TTC3: variants seen among roughly 807,000 people sequenced by gnomAD.
The protein encoded by TTC3 is tetratricopeptide repeat domain 3, also known as E3 ubiquitin-protein ligase TTC3.
TTC3 carries 180 observed loss-of-function variants against 249.6 expected under a neutral mutation model. The ratio of observed to expected loss-of-function variants is 0.72; its 90% CI spans 0.64 to 0.82. TTC3 has a LOEUF of 0.82. Ranked by LOEUF, TTC3 falls within the 40% of genes least tolerant of loss-of-function variation. The pLI, the probability that TTC3 is intolerant of heterozygous loss-of-function variation, is 0.00. For missense variants in TTC3, 2,061 were observed against 2,398.4 expected (o/e 0.86, Z 2.94); for synonymous variants, 717 against 805.0 (o/e 0.89, Z 1.85).
At chr21:37,075,920 C>T (rs2070791198) in intron 1 of TTC3, among the ~76,000 whole-genome samples, 1 of 151,966 alleles carries the variant, frequency 6.6e-6, no homozygotes, top group Non-Finnish European at 1.5e-5. Context: ...TTCTTTTCCT[C>T]TCCATTTTAT....
At position 37,128,022 on chromosome 21, in the gene TTC3, T is replaced by G. The variant is rs146022026; in HGVS notation, c.1298-981T>G. Among the ~76,000 whole-genome samples, 224 of 152,342 alleles carry G rather than the reference T, an allele frequency of 1.5e-3. 2 individuals are homozygous for G. Among genetic ancestry groups the G allele is most frequent in the African/African-American group, 4.9e-3 (205 of 41,576 alleles). ...TAAATTCTGTCCACCCTTCAGCATT[T>G]ACATACAGGGGAAGAAATTGAGGTT... is the stretch of plus-strand genomic sequence containing the variant. On this transcript the variant is annotated intron_variant, in intron 15 of 45. Transcript: ENST00000355666.
intron 35 of TTC3, among the ~76,000 whole-genome samples, chr21:37,177,538 C>T (rs1311485124): frequency 1.3e-5 from 2 of 152,148 alleles, no homozygotes; most frequent in African/African-American, 2.4e-5. Context: ...CTTCATCTTC[C>T]GCCTTCTCCC....
chr21:37,201,387 A>C (rs1049889923), intron 45 of TTC3, 53 bp from the exon 46 acceptor site: 10 of 1,611,100 alleles, frequency 6.2e-6, no homozygotes, highest in Non-Finnish European at 7.6e-6. Flanking sequence ...CAGGGGAGCT[A>C]AGCTTCCTCA....
rs761942573 is a variant in TTC3 at position 37,128,992 on chromosome 21, T to C, written c.1298-11T>C. 1 of 1,562,984 alleles carries C rather than the reference T, an allele frequency of 6.4e-7. No individual in the cohort carries two copies. The highest frequency in any genetic ancestry group is 8.6e-7 in the Non-Finnish European group (1 of 1,157,760). On this transcript the variant is annotated splice_polypyrimidine_tract_variant and intron_variant, in intron 15 of 45. Coordinates refer to ENST00000355666, the Ensembl canonical transcript of TTC3. The stretch of plus-strand genomic sequence containing the variant: ...TACAGATTTTAGGAACAAATACTTT[T>C]GTGTTCACAGGTCAGCCTCCAAAAC...
At chr21:37,147,418 C>T (rs1216700992) in intron 21 of TTC3, 63 bp from the exon 22 acceptor site, 3 of 1,444,582 alleles carry the variant, frequency 2.1e-6, no homozygotes, top group Non-Finnish European at 2.8e-6. Flanking sequence ...TTATTGAAAT[C>T]ACAAGCATTT....
chr21:37,103,638 A>C (rs1305751490), intron 10 of TTC3, among the ~76,000 whole-genome samples: 1 of 152,158 alleles, frequency 6.6e-6, no homozygotes, highest in African/African-American at 2.4e-5. Context: ...TTGTAGTGCT[A>C]TATATTATAA....
At chr21:37,169,847 C>CAA (rs58976598) in intron 34 of TTC3, among the ~76,000 whole-genome samples, 2 of 115,788 alleles carry the variant, frequency 1.7e-5, no homozygotes, top group African/African-American at 3.2e-5. Flanking sequence ...GACTCTGTCT[C>CAA]AAAAAAAAAA....
chr21:37,140,967 T>C (rs2078388720), intron 20 of TTC3, among the ~76,000 whole-genome samples: 3 of 152,248 alleles, frequency 2.0e-5, no homozygotes, highest in Admixed American at 2.0e-4. Context: ...GTGAGTGAAT[T>C]GATATAAACT....
chr21:37,122,964 T>C lies in TTC3; in HGVS notation c.1064-19T>C. On this transcript the variant is annotated intron_variant, in intron 12 of 45. Coordinates refer to ENST00000355666, the Ensembl canonical transcript of TTC3. Reference sequence around the variant, plus strand: ...ATCCATTGATTACTATGTGTGTGTGTGTGTGATGACTTTTATAGGTCGAAC... The same window carrying C: ...ATCCATTGATTACTATGTGTGTGTGCGTGTGATGACTTTTATAGGTCGAAC... 6.8e-7 allele frequency: 1 copy of C among 1,461,238 alleles called. No individual in the cohort carries two copies. Among genetic ancestry groups the C allele is most frequent in the Non-Finnish European group, 9.0e-7 (1 of 1,111,442 alleles). 90.5% of individuals were successfully genotyped at this position (1,461,238 alleles called of 1,614,324 possible).
At chr21:37,169,918 A>G (rs537035772) in intron 34 of TTC3, among the ~76,000 whole-genome samples, 15 of 152,178 alleles carry the variant, frequency 9.9e-5, no homozygotes, top group Non-Finnish European at 1.8e-4. Flanking sequence ...ATTATTAAAT[A>G]CATAGGAGAA....
In TTC3 at chr21:37,087,880, G is replaced by A; in HGVS notation, c.187+5G>A. The A allele has an allele frequency of 6.3e-7, 1 of 1,593,510 alleles. No homozygotes were observed. On this transcript the variant is annotated splice_donor_5th_base_variant and intron_variant, in intron 3 of 45. Transcript: ENST00000355666. ...TCCAAAGTGAGAGGAATTTGGGTGA[G>A]TACGTTGGTATTTTTAATGTTAATT...
At chr21:37,129,577 A>G (rs535024780) in intron 16 of TTC3, among the ~76,000 whole-genome samples, 1 of 152,330 alleles carries the variant, frequency 6.6e-6, no homozygotes, top group East Asian at 1.9e-4. Context: ...TACTTCTAAA[A>G]TGAATTCTAT....
At chr21:37,153,776 C>T (rs1348836146) in intron 27 of TTC3, among the ~76,000 whole-genome samples, 1 of 152,138 alleles carries the variant, frequency 6.6e-6, no homozygotes, top group Non-Finnish European at 1.5e-5. Flanking sequence ...TGCTCAGGAG[C>T]TGTGTTGAGA....
At chr21:37,155,011 A>G (rs1238642786) in intron 27 of TTC3, among the ~76,000 whole-genome samples, 2 of 152,140 alleles carry the variant, frequency 1.3e-5, no homozygotes, top group Non-Finnish European at 2.9e-5. Flanking sequence ...ATCCATGTTT[A>G]TTCTGTAGAT....
Position 37,121,892 on chromosome 21 carries a change from C to T in TTC3, c.976C>T (p.Gln326Ter), listed in dbSNP as rs762225617. Residue 326 changes from glutamine to a stop codon, truncating the protein, a stop_gained, in exon 12 of 46, where the codon CAA (glutamine) becomes TAA (stop). Transcript: ENST00000355666. LOFTEE classifies it high-confidence loss of function. The stretch of plus-strand genomic sequence containing the variant: ...GGCCCTGCAAGCAAACATAAAAGCT[C>T]AAAAACTCTGTAAAAATGACCCTGA... 9 of 1,612,962 alleles carry T rather than the reference C, an allele frequency of 5.6e-6. No homozygotes were observed. Among genetic ancestry groups the T allele is most frequent in the Non-Finnish European group, 7.6e-6 (9 of 1,179,580 alleles).
intron 39 of TTC3, among the ~76,000 whole-genome samples, chr21:37,189,747 CA>C (rs1649380901): frequency 6.6e-6 from 1 of 151,932 alleles, no homozygotes; most frequent in South Asian, 2.1e-4. Flanking sequence ...TGAATTTCAC[CA>C]TATTAGCCAG....
At chr21:37,202,531 A>T (rs1342677923) in exon 46 of TTC3, 3 of 152,266 alleles carry the variant, frequency 2.0e-5, no homozygotes, top group Non-Finnish European at 2.9e-5. Flanking sequence ...TCTTTAGACA[A>T]CCCTGAGGTA....
chr21:37,085,576 G>A (rs1458299020), intron 1 of TTC3, among the ~76,000 whole-genome samples: 2 of 152,202 alleles, frequency 1.3e-5, no homozygotes, highest in Non-Finnish European at 2.9e-5. Context: ...AATGACTCTT[G>A]GCTATGGTCA....
chr21:37,188,545 C>A (rs1602106419), exon 39 of TTC3: 2 of 1,613,988 alleles, frequency 1.2e-6, no homozygotes, highest in East Asian at 4.5e-5. Context: ...AGCTACAGAT[C>A]ATGGAGTCAC....
Sources: allele counts gnomAD v4.1 joint callset (sites outside exome capture counted in the v4.1 genomes callset), GRCh38; gene constraint gnomAD v4.1.1; transcripts MANE v1.5; gene names NCBI Gene and HGNC (gene_info 2026-07-23, HGNC 2026-07-21).